ATP6V1B1: variants seen among roughly 807,000 people sequenced by gnomAD.
ATP6V1B1 encodes ATPase H+ transporting V1 subunit B1.
In ATP6V1B1, 41 loss-of-function variants were observed where a neutral mutation model predicts 62.1. The observed-to-expected ratio is 0.66, with a 90% CI of 0.51 to 0.86. The LOEUF is 0.86. Ranked by LOEUF, ATP6V1B1 falls within the 40% of genes least tolerant of loss-of-function variation. ATP6V1B1 has a pLI of 0.00. For missense variants in ATP6V1B1, 651 were observed against 697.5 expected, an observed-to-expected ratio of 0.93 and a Z score of 0.75; for synonymous variants, 253 against 273.4, an observed-to-expected ratio of 0.93 and a Z score of 0.74.
At chr2:70,955,066 C>G (rs2104821292) in intron 2 of ATP6V1B1, among the ~76,000 whole-genome samples, 1 of 152,314 alleles carries the variant, frequency 6.6e-6, no homozygotes, top group Non-Finnish European at 1.5e-5. Flanking sequence ...CGTGCACAGA[C>G]AGCAGAGCTC....
chr2:70,942,054 C>T (rs74473928), intron 1 of ATP6V1B1: 2 of 1,135,604 alleles, frequency 1.8e-6, no homozygotes, highest in Non-Finnish European at 2.2e-6. Context: ...AACATCAGAG[C>T]TTCATGGGAA....
At position 70,963,464 on chromosome 2, in the gene ATP6V1B1, CCCCCACACAT is replaced by C; in HGVS notation, c.1061-104_1061-95del. 2 of 1,523,436 alleles carry C rather than the reference CCCCCACACAT, an allele frequency of 1.3e-6. No individual in the cohort carries two copies. The highest frequency in any genetic ancestry group is 4.6e-5 in the East Asian group (2 of 43,724). 94.4% of individuals were successfully genotyped at this position (1,523,436 alleles called of 1,614,324 possible). ...CTGCCCTTTCCTCCACCATCCATGC[CCCCCACACAT>C]CCCTATCACTCCCATGAGGGAAACA... is the stretch of plus-strand genomic sequence containing the variant. On this transcript the variant is annotated intron_variant, in intron 10 of 13. Coordinates refer to ENST00000234396, the MANE Select transcript of ATP6V1B1 (RefSeq NM_001692.4). The surrounding 1 kb of genome is among the most constrained non-coding windows in gnomAD (Gnocchi z 4.3).
At position 70,962,890 on chromosome 2, in the gene ATP6V1B1, C is replaced by A; in HGVS notation, c.899C>A (p.Ala300Asp). The A allele has an allele frequency of 3.7e-6, 6 of 1,614,070 alleles. No individual in the cohort carries two copies. The highest frequency in any genetic ancestry group is 4.2e-6 in the Non-Finnish European group (5 of 1,180,008). ...ILTDMSSYAE[A>D]LREVSAAREE... The stretch of plus-strand genomic sequence containing the variant: ...ACGGACATGAGTTCCTATGCAGAGG[C>A]CTTGCGGGAGGTAAGCTGGCTAGCA... Residue 300 changes from alanine to aspartate, a missense_variant, in exon 9 of 14, where the codon GCC (alanine) becomes GAC (aspartate). By Grantham distance (126) the Ala-to-Asp change is moderately radical. Transcript: ENST00000234396.
intron 2 of ATP6V1B1, among the ~76,000 whole-genome samples, chr2:70,945,494 G>A (rs567511146): frequency 3.6e-4 from 55 of 151,878 alleles, no homozygotes; most frequent in African/African-American, 1.3e-3. Context: ...GATAGAGTAT[G>A]TAGAAAGGAA....
At chr2:70,940,479 TG>T (rs1679965339) in intron 1 of ATP6V1B1, 1 of 985,304 alleles carries the variant, frequency 1.0e-6, no homozygotes, top group Admixed American at 6.1e-5. Flanking sequence ...CTCTCCTGCC[TG>T]CCCTGCATCC....
At chr2:70,943,414 G>A (rs1680056182) in intron 1 of ATP6V1B1, 1 of 647,122 alleles carries the variant, frequency 1.5e-6, no homozygotes, top group Non-Finnish European at 2.8e-6. Flanking sequence ...ACTCTGAGGA[G>A]GCCTCTGCCC....
At chr2:70,957,720 T>C in intron 2 of ATP6V1B1, 1 of 376,892 alleles carries the variant, frequency 2.7e-6, no homozygotes, top group South Asian at 2.2e-5. Flanking sequence ...TTATCCACAT[T>C]TTAAAGACGA....
At chr2:70,960,613 A>C (rs1680562511) in intron 6 of ATP6V1B1, among the ~76,000 whole-genome samples, 3 of 152,230 alleles carry the variant, frequency 2.0e-5, no homozygotes, top group African/African-American at 4.8e-5. Context: ...CTCTGTGTCC[A>C]AATAGCGCCC....
Position 70,958,349 on chromosome 2 carries a change from C to T in ATP6V1B1, c.290C>T (p.Ser97Leu). The part of the protein sequence containing the change: ...KAIVQVFEGT[S>L]GIDARKTTCE... ...TTCCCACAGGTGTTTGAAGGGACAT[C>T]AGGGATCGATGCCAGGAAGACCACT... The change falls in exon 4 of 14, where the codon TCA becomes TTA. Residue 97 changes from serine (S) to leucine (L), a missense_variant. Physicochemically the swap from Ser to Leu is moderately radical, Grantham distance 145. Coordinates refer to ENST00000234396, the MANE Select transcript of ATP6V1B1 (RefSeq NM_001692.4). 2.5e-6 allele frequency: 4 copies of T among 1,614,108 alleles called. No individual in the cohort carries two copies. Among genetic ancestry groups the T allele is most frequent in the South Asian group, 1.1e-5 (1 of 91,078 alleles).
intron 2 of ATP6V1B1, among the ~76,000 whole-genome samples, chr2:70,948,916 C>A (rs1291473359): frequency 4.6e-5 from 7 of 152,128 alleles, no homozygotes; most frequent in African/African-American, 1.7e-4. Flanking sequence ...GGAATTGGAC[C>A]CTCCGCCCCA....
At chr2:70,939,160 C>T (rs1006595481) in intron 1 of ATP6V1B1, among the ~76,000 whole-genome samples, 1 of 152,234 alleles carries the variant, frequency 6.6e-6, no homozygotes, top group African/African-American at 2.4e-5. Context: ...GCTGGGCCAG[C>T]GCTAATTAGT....
intron 2 of ATP6V1B1, among the ~76,000 whole-genome samples, chr2:70,952,279 T>C (rs1197967034): frequency 6.6e-6 from 1 of 152,122 alleles, no homozygotes; most frequent in Non-Finnish European, 1.5e-5. Context: ...CTGGCCAACA[T>C]GGTGAAACCC....
chr2:70,947,310 G>C (rs1680204637), intron 2 of ATP6V1B1, among the ~76,000 whole-genome samples: 1 of 152,164 alleles, frequency 6.6e-6, no homozygotes, highest in Non-Finnish European at 1.5e-5. Context: ...AGAATATCAG[G>C]GGTGCAGGGG....
chr2:70,964,673 T>G (rs941224610), intron 12 of ATP6V1B1, 63 bp from the exon 13 acceptor site: 1 of 1,612,686 alleles, frequency 6.2e-7, no homozygotes, highest in Admixed American at 1.7e-5. Context: ...GTGGCCAGGT[T>G]GGGGGCTACT....
At chr2:70,958,550 G>C (rs1467618819) in intron 4 of ATP6V1B1, 124 bp downstream of exon 4, 1 of 903,134 alleles carries the variant, frequency 1.1e-6, no homozygotes, top group Non-Finnish European at 1.7e-6. Context: ...CTCTCTGGTG[G>C]GCTCTTTGAG....
chr2:70,948,853 G>T (rs913769509), intron 2 of ATP6V1B1, among the ~76,000 whole-genome samples: 2 of 152,120 alleles, frequency 1.3e-5, no homozygotes. Context: ...TCTCAAGTTC[G>T]ACCAGCAGGG....
chr2:70,963,980 T>C lies in ATP6V1B1; in HGVS notation c.1143+326T>C. ...TGGCATATAGAAAGCATCTGGCAGA[T>C]AGTCAATACTATTTGCCTTCCCTTT... On this transcript the variant is annotated intron_variant, in intron 11 of 13. Transcript: ENST00000234396. This position sits in a 1 kb window ranked among gnomAD's most constrained non-coding sequence, Gnocchi z 4.3. 2.1e-6 allele frequency: 1 copy of C among 474,256 alleles called. No individual in the cohort carries two copies. Among genetic ancestry groups the C allele is most frequent in the South Asian group, 2.1e-5 (1 of 47,676 alleles). The allele number at this position is 474,256 out of a possible 1,614,324, so 29.4% of individuals were successfully genotyped here.
In ATP6V1B1 at chr2:70,937,763, A is replaced by G. The variant is rs142094205; in HGVS notation, c.118+1691A>G. On this transcript the variant is annotated intron_variant, in intron 1 of 13. Transcript: ENST00000234396. ...TCCTGGAAAGTGCCCCCACCTCCTG[A>G]TACCCAGGGACCCTATAGGTACCAT... is the stretch of plus-strand genomic sequence containing the variant. Among the ~76,000 whole-genome samples, 14 of 151,726 alleles carry G rather than the reference A, an allele frequency of 9.2e-5. No individual in the cohort carries two copies. The East Asian group carries it at 2.7e-3, about 29-fold the overall frequency.
intron 1 of ATP6V1B1, chr2:70,942,450 A>G (rs1279200279): frequency 2.5e-6 from 1 of 398,614 alleles, no homozygotes; most frequent in Non-Finnish European, 4.4e-6. Flanking sequence ...AAAAGAGCTT[A>G]GATCAAACAA....
Sources: gnomAD v4.1 joint callset for allele counts (sites outside exome capture counted in the v4.1 genomes callset) on GRCh38, gnomAD v4.1.1 for gene constraint, Gnocchi (gnomAD v3.1) non-coding constraint, MANE v1.5 for transcripts, NCBI Gene and HGNC (gene_info 2026-07-23, HGNC 2026-07-21) for gene names.